Variants in FGF12 observed in about 807,000 individuals in gnomAD.
FGF12 encodes the protein fibroblast growth factor 12B.
In FGF12, 14 loss-of-function variants were observed where a neutral mutation model predicts 23.6. The ratio of observed to expected loss-of-function variants is 0.59; its 90% CI spans 0.39 to 0.93. The LOEUF is 0.93. Among genes scored for constraint, FGF12 ranks in the 40% least tolerant of loss-of-function variants. The pLI, the probability that FGF12 is intolerant of heterozygous loss-of-function variation, is 0.00. For synonymous variants in FGF12, 62 were observed against 77.3 expected (o/e 0.80, Z 1.04); for missense variants, 175 against 217.8 (o/e 0.80, Z 1.24).
In FGF12 at chr3:192,635,955, C is replaced by A. The variant is rs76001633; in HGVS notation, c.13+91226G>T. Among the ~76,000 whole-genome samples, 526 of 152,230 alleles carry A rather than the reference C, an allele frequency of 3.5e-3. 2 individuals carry two copies. The highest frequency in any genetic ancestry group is 0.011 in the African/African-American group (454 of 41,534). ...TACACAATATATGTTGTCTCAAGCACCTCAAAGATAGAAATCAGGTGTCTC... is the reference window on the plus strand; with the variant it reads ...TACACAATATATGTTGTCTCAAGCAACTCAAAGATAGAAATCAGGTGTCTC... On this transcript the variant is annotated intron_variant, in intron 2 of 5. Coordinates refer to ENST00000445105, the MANE Select transcript of FGF12 (RefSeq NM_004113.6).
chr3:192,556,236 T>C (rs959536839), intron 2 of FGF12, among the ~76,000 whole-genome samples: 4 of 152,182 alleles, frequency 2.6e-5, no homozygotes, highest in African/African-American at 9.6e-5. Flanking sequence ...GCTGAATGTT[T>C]GTTTTTGTTT....
In FGF12 at chr3:192,514,653, G is replaced by A; in HGVS notation, c.14-154115C>T. 1.0e-6 allele frequency: 1 copy of A among 980,270 alleles called. No homozygotes were observed. The highest frequency in any genetic ancestry group is 1.2e-6 in the Non-Finnish European group (1 of 825,278). The allele number at this position is 980,270 out of a possible 1,614,324, so 60.7% of individuals were successfully genotyped here. On this transcript the variant is annotated intron_variant, in intron 2 of 5. Transcript: ENST00000445105. The surrounding 1 kb of genome is among the most constrained non-coding windows in gnomAD (Gnocchi z 4.9). The stretch of plus-strand genomic sequence containing the variant: ...CTGCAGTGTTTGGGGGCTGGGGAAA[G>A]AACATTTTCTCACCACTTGGGCTGT...
At chr3:192,289,366 C>G (rs559409370) in intron 4 of FGF12, among the ~76,000 whole-genome samples, 2 of 152,180 alleles carry the variant, frequency 1.3e-5, no homozygotes, top group African/African-American at 4.8e-5. Context: ...GTAATGACAA[C>G]AAAATAGGTA....
chr3:192,195,947 C>A (rs903249151), intron 4 of FGF12, among the ~76,000 whole-genome samples: 2 of 152,144 alleles, frequency 1.3e-5, no homozygotes. Flanking sequence ...TAGAAGAGAT[C>A]TCTTGAACTT....
intron 2 of FGF12, among the ~76,000 whole-genome samples, chr3:192,644,897 T>C (rs1715944690): frequency 6.6e-6 from 1 of 152,134 alleles, no homozygotes; most frequent in South Asian, 2.1e-4. Flanking sequence ...ACCTAACTCT[T>C]CTAGGGTAGT....
rs574971917 is a variant in FGF12 at position 192,462,143 on chromosome 3, A to G, written c.14-101605T>C. On this transcript the variant is annotated intron_variant, in intron 2 of 5. Transcript: ENST00000445105. ...AAATGTATATTAAAATAATAAAATTAACAAACACTGAAACTATTAAGAATT... is the reference window on the plus strand; with the variant it reads ...AAATGTATATTAAAATAATAAAATTGACAAACACTGAAACTATTAAGAATT... 2.6e-5 allele frequency among the ~76,000 whole-genome samples: 4 copies of G among 152,364 alleles called. No individual in the cohort carries two copies. In the South Asian group the frequency reaches 8.3e-4, roughly 32 times the overall value.
At chr3:192,265,666 C>T (rs1057491885) in intron 4 of FGF12, among the ~76,000 whole-genome samples, 1 of 151,926 alleles carries the variant, frequency 6.6e-6, no homozygotes, top group Non-Finnish European at 1.5e-5. Context: ...CACAGCCATG[C>T]TCATTCATTT....
chr3:192,402,430 C>G (rs1192041708), intron 2 of FGF12, among the ~76,000 whole-genome samples: 6 of 152,224 alleles, frequency 3.9e-5, no homozygotes, highest in Non-Finnish European at 8.8e-5. Context: ...CTCCTCCACT[C>G]TGGGGACTCT....
intron 2 of FGF12, chr3:192,516,826 G>T (rs1353630668): frequency 1.3e-5 from 2 of 152,244 alleles, no homozygotes; most frequent in Non-Finnish European, 2.9e-5. Flanking sequence ...CATCACCGAA[G>T]AAGTTATGCA....
chr3:192,386,310 A>G (rs1244862910), intron 2 of FGF12, among the ~76,000 whole-genome samples: 1 of 152,222 alleles, frequency 6.6e-6, no homozygotes, highest in Admixed American at 6.5e-5. Context: ...ATGTGTATGC[A>G]CACATACACA....
chr3:192,649,719 G>A (rs919298921), intron 2 of FGF12, among the ~76,000 whole-genome samples: 6 of 120,992 alleles, frequency 5.0e-5, no homozygotes, highest in African/African-American at 1.8e-4. Flanking sequence ...TCACATGCCT[G>A]GCTAATTTTT....
At chr3:192,478,344 T>C (rs1404624757) in intron 2 of FGF12, among the ~76,000 whole-genome samples, 2 of 152,136 alleles carry the variant, frequency 1.3e-5, no homozygotes, top group African/African-American at 4.8e-5. Flanking sequence ...AATGATAAAG[T>C]AGGATTAGAA....
intron 2 of FGF12, among the ~76,000 whole-genome samples, chr3:192,447,753 A>G (rs1213386791): frequency 6.6e-6 from 1 of 152,188 alleles, no homozygotes; most frequent in Non-Finnish European, 1.5e-5. Flanking sequence ...TTTACCCATA[A>G]ATGTTTTATT....
chr3:192,158,380 TTCTTTTCTTTCTC>T (rs1714608086), intron 5 of FGF12, among the ~76,000 whole-genome samples: 2 of 116,782 alleles, frequency 1.7e-5, no homozygotes, highest in Non-Finnish European at 3.5e-5. Context: ...CTTTCTTTCT[TTCTTTTCTTTCTC>T]TCTCTTTCTT....
At chr3:192,623,371 T>C (rs1252252630) in intron 2 of FGF12, among the ~76,000 whole-genome samples, 1 of 152,192 alleles carries the variant, frequency 6.6e-6, no homozygotes, top group Non-Finnish European at 1.5e-5. Flanking sequence ...TTTGCTAAAA[T>C]TACACGTTTT....
chr3:192,250,881 C>A (rs1283738237), intron 4 of FGF12, among the ~76,000 whole-genome samples: 1 of 151,868 alleles, frequency 6.6e-6, no homozygotes. Context: ...TTCATACAAG[C>A]CAAAGAACAT....
intron 2 of FGF12, among the ~76,000 whole-genome samples, chr3:192,636,284 T>A (rs979364390): frequency 6.6e-6 from 1 of 152,230 alleles, no homozygotes; most frequent in Non-Finnish European, 1.5e-5. Context: ...ACTAGTCAAA[T>A]GTTTGAAATT....
chr3:192,495,330 T>C (rs1046341632), intron 2 of FGF12, among the ~76,000 whole-genome samples: 7 of 152,194 alleles, frequency 4.6e-5, no homozygotes, highest in African/African-American at 1.7e-4. Context: ...TACATAAACA[T>C]TTTAATCAGT....
rs752467015 is a variant in FGF12 at position 192,567,790 on chromosome 3, T to TTTC, written c.13+159388_13+159390dup. On this transcript the variant is annotated intron_variant, in intron 2 of 5. Transcript: ENST00000445105. The stretch of plus-strand genomic sequence containing the variant: ...CTTTCTTTCTTTCTTTCTTTCTTTC[T>TTTC]TTCTTTCTTTCTCTTTCTTTCTTTC... 2.5e-4 allele frequency among the ~76,000 whole-genome samples: 34 copies of TTTC among 135,710 alleles called. 1 individual carries two copies. The South Asian group carries it at 8.2e-3, about 33-fold the overall frequency. 89.0% of individuals were successfully genotyped at this position (135,710 alleles called of 152,430 possible).
Sources: gnomAD v4.1 joint callset for allele counts (sites outside exome capture counted in the v4.1 genomes callset) on GRCh38, gnomAD v4.1.1 for gene constraint, Gnocchi (gnomAD v3.1) non-coding constraint, MANE v1.5 for transcripts, NCBI Gene and HGNC (gene_info 2026-07-23, HGNC 2026-07-21) for gene names.